SAMD12: variants seen among roughly 807,000 people sequenced by gnomAD.
SAMD12 encodes sterile alpha motif domain containing 12, also known as sterile alpha motif domain-containing protein 12.
SAMD12 carries 9 observed loss-of-function variants against 15.0 expected under a neutral mutation model. The ratio of observed to expected loss-of-function variants is 0.60; its 90% CI spans 0.36 to 1.05. The LOEUF (loss-of-function observed/expected upper bound fraction) is 1.05. SAMD12 is among the 50% of genes least tolerant of loss of function. SAMD12 has a pLI of 0.01. For synonymous variants in SAMD12, 86 were observed against 90.1 expected, an observed-to-expected ratio of 0.96 and a Z score of 0.25; for missense variants, 230 against 234.2, an observed-to-expected ratio of 0.98 and a Z score of 0.12.
chr8:118,601,631 G>A (rs1827869005), intron 1 of SAMD12, among the ~76,000 whole-genome samples: 1 of 152,128 alleles, frequency 6.6e-6, no homozygotes. Context: ...CTTCTTTTGG[G>A]GAAGCCCTAC....
intron 2 of SAMD12, among the ~76,000 whole-genome samples, chr8:118,487,849 A>G (rs538760067): frequency 6.7e-6 from 1 of 148,246 alleles, no homozygotes; most frequent in South Asian, 2.2e-4. Flanking sequence ...TGGACAAATG[A>G]TGGCTTTATA....
At chr8:118,371,527 C>T (rs1030532259) in intron 4 of SAMD12, among the ~76,000 whole-genome samples, 1 of 152,018 alleles carries the variant, frequency 6.6e-6, no homozygotes, top group Non-Finnish European at 1.5e-5. Context: ...GGAGTAATCA[C>T]AGGTGACTCT....
At chr8:118,238,796 C>G (rs1269859811) in intron 4 of SAMD12, among the ~76,000 whole-genome samples, 1 of 152,108 alleles carries the variant, frequency 6.6e-6, no homozygotes, top group African/African-American at 2.4e-5. Context: ...GGTTTGGTAA[C>G]TCTTCCAAGG....
chr8:118,428,601 T>C (rs561257249), intron 3 of SAMD12, among the ~76,000 whole-genome samples: 2 of 152,250 alleles, frequency 1.3e-5, no homozygotes, highest in East Asian at 3.9e-4. Flanking sequence ...TCAAATTAAA[T>C]GTTGTGTATA....
At chr8:118,449,116 G>A (rs977395833) in intron 2 of SAMD12, among the ~76,000 whole-genome samples, 1 of 149,684 alleles carries the variant, frequency 6.7e-6, no homozygotes, top group African/African-American at 2.5e-5. Flanking sequence ...AGGCTGGAGT[G>A]CAATGGCGTG....
chr8:118,502,648 T>C (rs893894297), intron 2 of SAMD12, among the ~76,000 whole-genome samples: 1 of 152,202 alleles, frequency 6.6e-6, no homozygotes, highest in African/African-American at 2.4e-5. Flanking sequence ...AAATGTAAAA[T>C]TAAATTCAAA....
chr8:118,341,755 T>C (rs979363538), intron 4 of SAMD12, among the ~76,000 whole-genome samples: 1 of 152,214 alleles, frequency 6.6e-6, no homozygotes, highest in African/African-American at 2.4e-5. Flanking sequence ...TGTTTTGACA[T>C]ATCAATTTCG....
At chr8:118,193,025 G>A (rs1328978318) in exon 5 of SAMD12, 1 of 152,200 alleles carries the variant, frequency 6.6e-6, no homozygotes, top group Non-Finnish European at 1.5e-5. Context: ...CGTTAGGCAG[G>A]AAGTATAAAA....
chr8:118,517,334 C>T (rs750092272), intron 2 of SAMD12, among the ~76,000 whole-genome samples: 10 of 152,092 alleles, frequency 6.6e-5, no homozygotes, highest in Non-Finnish European at 1.2e-4. Flanking sequence ...CCTGCTTAAC[C>T]GGGAAAATTA....
At chr8:118,534,285 G>T (rs1325622768) in intron 2 of SAMD12, among the ~76,000 whole-genome samples, 1 of 152,100 alleles carries the variant, frequency 6.6e-6, no homozygotes, top group Non-Finnish European at 1.5e-5. Flanking sequence ...CTCTCTTCTG[G>T]CTTGTAGAGT....
At chr8:118,255,882 G>A (rs1033684326) in intron 4 of SAMD12, among the ~76,000 whole-genome samples, 13 of 152,094 alleles carry the variant, frequency 8.5e-5, no homozygotes, top group Non-Finnish European at 1.6e-4. Context: ...TAATGGGATG[G>A]CTGGGTCAAA....
intron 2 of SAMD12, among the ~76,000 whole-genome samples, chr8:118,487,022 G>GTCA (rs1824309914): frequency 6.6e-6 from 1 of 152,220 alleles, no homozygotes; most frequent in South Asian, 2.1e-4. Context: ...CCAATAGGAA[G>GTCA]TCAGAGGGCA....
chr8:118,263,447 C>T (rs1016873577), intron 4 of SAMD12, among the ~76,000 whole-genome samples: 5 of 152,002 alleles, frequency 3.3e-5, no homozygotes, highest in Non-Finnish European at 5.9e-5. Flanking sequence ...TTCAGACACA[C>T]GTTTTACTGA....
chr8:118,133,852 T>G, the SAMD12 span, among the ~76,000 whole-genome samples: 1 of 152,210 alleles, frequency 6.6e-6, no homozygotes, highest in Non-Finnish European at 1.5e-5. Context: ...AAAATTATTC[T>G]CCAGCTTGGA....
chr8:118,442,709 G>A (rs1015025652), intron 2 of SAMD12, among the ~76,000 whole-genome samples: 1 of 152,126 alleles, frequency 6.6e-6, no homozygotes, highest in African/African-American at 2.4e-5. Context: ...CTCTACAAAT[G>A]TTCCTTCGGA....
In SAMD12 at chr8:118,457,224, T is replaced by TC. The variant is rs1563871874; in HGVS notation, c.193-17264_193-17263insG. On this transcript the variant is annotated intron_variant, in intron 2 of 3. Transcript: ENST00000314727. ...TGCTACTAACTCTCTCTCTCTCTCT[T>TC]TTTTTTTTTTTTTGTTTGCTTTTTA... 3.2e-3 allele frequency among the ~76,000 whole-genome samples: 165 copies of TC among 51,272 alleles called. 1 individual carries two copies. The highest frequency in any genetic ancestry group is 2.4e-3 in the Non-Finnish European group (39 of 16,352). The allele number at this position is 51,272 out of a possible 152,430, so 33.6% of individuals were successfully genotyped here.
intron 3 of SAMD12, among the ~76,000 whole-genome samples, chr8:118,398,326 C>T (rs888397583): frequency 6.6e-6 from 1 of 152,046 alleles, no homozygotes; most frequent in Non-Finnish European, 1.5e-5. Flanking sequence ...TTGAACCTGG[C>T]CGATGCAGGT....
intron 4 of SAMD12, among the ~76,000 whole-genome samples, chr8:118,250,217 T>A (rs937750741): frequency 2.0e-5 from 3 of 152,098 alleles, no homozygotes; most frequent in Non-Finnish European, 4.4e-5. Flanking sequence ...TCCCATGGAA[T>A]AGAGATAAGA....
At chr8:118,243,634 A>C (rs1812621869) in intron 4 of SAMD12, among the ~76,000 whole-genome samples, 1 of 152,084 alleles carries the variant, frequency 6.6e-6, no homozygotes, top group African/African-American at 2.4e-5. Context: ...GTGGATCTGC[A>C]TTCCATTTAT....
Sources: gnomAD v4.1 joint callset for allele counts (sites outside exome capture counted in the v4.1 genomes callset) on GRCh38, gnomAD v4.1.1 for gene constraint, MANE v1.5 for transcripts, NCBI Gene and HGNC (gene_info 2026-07-23, HGNC 2026-07-21) for gene names.